The following EPHA6 variants were observed in gnomAD, a reference collection of about 807,000 sequenced individuals.
The protein encoded by EPHA6 is EPH receptor A6, also known as ephrin type-A receptor 6.
Under a neutral mutation model 112.0 loss-of-function variants are expected in EPHA6, and 50 were observed. That is an observed-to-expected ratio of 0.45 (90% confidence interval 0.36 to 0.56). EPHA6 has a LOEUF of 0.56. Ranked by LOEUF, EPHA6 falls within the 20% of genes least tolerant of loss-of-function variation. The pLI is 0.00. For missense variants in EPHA6, 1,280 were observed against 1,417.4 expected (o/e 0.90, Z 1.56); for synonymous variants, 529 against 490.7 (o/e 1.08, Z -1.03).
At chr3:96,853,805 A>C (rs72931391) in intron 1 of EPHA6, among the ~76,000 whole-genome samples, 1,977 of 151,784 alleles carry the variant, frequency 0.013, 47 homozygotes, top group African/African-American at 0.044. Flanking sequence ...CTTTGACCCT[A>C]CTCTAGTAAC....
chr3:97,293,219 A>G (rs761554542), intron 5 of EPHA6, among the ~76,000 whole-genome samples: 14 of 152,052 alleles, frequency 9.2e-5, no homozygotes, highest in Non-Finnish European at 2.1e-4. Context: ...TCCTTTTCAA[A>G]GGCAGATCAT....
At chr3:97,073,239 A>C (rs972071131) in intron 3 of EPHA6, among the ~76,000 whole-genome samples, 4 of 152,148 alleles carry the variant, frequency 2.6e-5, no homozygotes, top group Admixed American at 1.3e-4. Context: ...CATGGGATCC[A>C]AATTGTGTAT....
intron 3 of EPHA6, among the ~76,000 whole-genome samples, chr3:97,065,752 T>A (rs1191586173): frequency 6.6e-6 from 1 of 152,120 alleles, no homozygotes; most frequent in Non-Finnish European, 1.5e-5. Flanking sequence ...CAACATGTTA[T>A]AATTTTAATT....
chr3:97,484,018 T>C lies in EPHA6; in HGVS notation c.2159T>C (p.Ile720Thr). The C allele has an allele frequency of 6.2e-7, 1 of 1,610,572 alleles. No homozygotes were observed. Among genetic ancestry groups the C allele is most frequent in the Non-Finnish European group, 8.5e-7 (1 of 1,178,334 alleles). Residue 720 changes from isoleucine to threonine, a missense_variant, in exon 10 of 18, where the codon ATT becomes ACT. Physicochemically the swap from Ile to Thr is moderately conservative, Grantham distance 89 (BLOSUM62 -1). Around this residue, in one of 4 missense-constraint regions of EPHA6, gnomAD observed 878 missense variants for 999.7 expected, o/e 0.88. Transcript: ENST00000389672. ...GCAGTCCATGAATTTGCAAAGGAGA[T>C]TGATCCCTCAAGAATTCGTATTGAG... ...SLAVHEFAKE[I>T]DPSRIRIERV...
chr3:96,916,769 G>T (rs2039502713), intron 2 of EPHA6, among the ~76,000 whole-genome samples: 1 of 152,084 alleles, frequency 6.6e-6, no homozygotes, highest in Non-Finnish European at 1.5e-5. Flanking sequence ...ATTTTTATAG[G>T]TCTTCAGAAC....
intron 5 of EPHA6, among the ~76,000 whole-genome samples, chr3:97,324,826 C>A (rs190311059): frequency 3.9e-4 from 59 of 152,188 alleles, no homozygotes; most frequent in Admixed American, 1.5e-3. Flanking sequence ...AGACGTGAGC[C>A]ACTGTGCACA....
At position 96,987,822 on chromosome 3, in the gene EPHA6, A is replaced by G. The variant is rs2043077485; in HGVS notation, c.943A>G (p.Ile315Val). The change falls in exon 3 of 18, where the codon ATT becomes GTT. Residue 315 changes from isoleucine to valine, a missense_variant. Physicochemically the swap from Ile to Val is conservative, Grantham distance 29 (BLOSUM62 3). This residue lies in a region of EPHA6 where 878 missense variants were observed against 999.7 expected (regional missense o/e 0.88). Transcript: ENST00000389672. ...TAACTTGGCCATGTTTCCTGATACC[A>G]TTCCAAGGGTTGATTCCTCCTCTTT... ...VRNLAMFPDT[I>V]PRVDSSSLVE... 6.2e-7 allele frequency: 1 copy of G among 1,613,832 alleles called. No individual in the cohort carries two copies. Among genetic ancestry groups the G allele is most frequent in the Non-Finnish European group, 8.5e-7 (1 of 1,179,896 alleles).
chr3:97,493,606 G>A (rs946781256), intron 10 of EPHA6, among the ~76,000 whole-genome samples: 8 of 138,434 alleles, frequency 5.8e-5, no homozygotes, highest in African/African-American at 2.7e-4. Context: ...AATTTTGGGG[G>A]GACACAATTT....
At chr3:97,532,607 G>A in intron 11 of EPHA6, 64 bp downstream of exon 11, 7 of 1,365,242 alleles carry the variant, frequency 5.1e-6, no homozygotes, top group African/African-American at 1.5e-5. Context: ...TTTAAGAAAA[G>A]GAAAAATCTT....
intron 3 of EPHA6, among the ~76,000 whole-genome samples, chr3:97,157,975 C>T (rs2076327790): frequency 6.6e-6 from 1 of 152,052 alleles, no homozygotes; most frequent in Non-Finnish European, 1.5e-5. Context: ...ACAAATCTAC[C>T]CCTTGTCAAC....
At chr3:97,707,446 G>A (rs892538325) in intron 14 of EPHA6, among the ~76,000 whole-genome samples, 20 of 152,314 alleles carry the variant, frequency 1.3e-4, no homozygotes, top group Non-Finnish European at 2.2e-4. Flanking sequence ...TTATAGGCAG[G>A]CATAAGAGGA....
chr3:97,716,836 AAATTCT>A (rs2034261607), intron 14 of EPHA6, among the ~76,000 whole-genome samples: 2 of 152,202 alleles, frequency 1.3e-5, no homozygotes, highest in Non-Finnish European at 2.9e-5. Context: ...TTGTTAATTC[AAATTCT>A]ATTTCCTACA....
intron 3 of EPHA6, among the ~76,000 whole-genome samples, chr3:97,196,210 G>A (rs1050498606): frequency 6.6e-6 from 1 of 150,700 alleles, no homozygotes; most frequent in Non-Finnish European, 1.5e-5. Flanking sequence ...TTTTCAAATA[G>A]TCTGCCTTCA....
At chr3:97,083,262 A>G (rs1312094060) in intron 3 of EPHA6, among the ~76,000 whole-genome samples, 1 of 152,016 alleles carries the variant, frequency 6.6e-6, no homozygotes, top group East Asian at 1.9e-4. Flanking sequence ...CCTAATTTAT[A>G]TCTTCATCAT....
intron 3 of EPHA6, among the ~76,000 whole-genome samples, chr3:97,132,372 A>C (rs761491610): frequency 2.0e-5 from 3 of 152,048 alleles, no homozygotes; most frequent in African/African-American, 4.8e-5. Context: ...TATTTGAATT[A>C]TTTGATATGG....
At chr3:97,337,001 A>G (rs979530170) in intron 5 of EPHA6, among the ~76,000 whole-genome samples, 1 of 151,932 alleles carries the variant, frequency 6.6e-6, no homozygotes, top group African/African-American at 2.4e-5. Flanking sequence ...TAAAAAATCG[A>G]TATTTCATAA....
intron 9 of EPHA6, chr3:97,481,644 C>G (rs1049369368): frequency 2.3e-6 from 1 of 429,128 alleles, no homozygotes; most frequent in African/African-American, 2.0e-5. Flanking sequence ...CGCTTGGAGA[C>G]GCCCCGCCCC....
chr3:97,455,447 C>G (rs78766313), intron 7 of EPHA6, among the ~76,000 whole-genome samples: 2,445 of 152,096 alleles, frequency 0.016, 62 homozygotes, highest in African/African-American at 0.053. Flanking sequence ...CCTTTTCATA[C>G]TAATGCTTAG....
At chr3:97,594,856 C>T (rs891767857) in intron 12 of EPHA6, among the ~76,000 whole-genome samples, 2 of 152,144 alleles carry the variant, frequency 1.3e-5, no homozygotes, top group African/African-American at 4.8e-5. Context: ...AAGGTTGATG[C>T]CCACTGGGCA....
Sources: allele counts gnomAD v4.1 joint callset (sites outside exome capture counted in the v4.1 genomes callset), GRCh38; gene constraint gnomAD v4.1.1; regional missense constraint gnomAD v4.1.1; transcripts MANE v1.5; gene names NCBI Gene and HGNC (gene_info 2026-07-23, HGNC 2026-07-21).